KLF17: variants seen among roughly 807,000 people sequenced by gnomAD.
KLF17 encodes KLF transcription factor 17.
Under a neutral mutation model 34.2 loss-of-function variants are expected in KLF17, and 31 were observed. The observed-to-expected ratio is 0.91, with a 90% CI of 0.68 to 1.22. The LOEUF (loss-of-function observed/expected upper bound fraction) is 1.22, where lower values mean the gene tolerates loss of function less well. Ranked by LOEUF, KLF17 falls within the 50% of genes most tolerant of loss-of-function variation. The pLI is 0.00. For synonymous variants in KLF17, 179 were observed against 186.7 expected, an observed-to-expected ratio of 0.96 and a Z score of 0.34; for missense variants, 478 against 505.2, an observed-to-expected ratio of 0.95 and a Z score of 0.52.
At chr1:44,127,651 T>TTTCA (rs1557731810) in intron 1 of KLF17, among the ~76,000 whole-genome samples, 33 of 56,490 alleles carry the variant, frequency 5.8e-4, no homozygotes, top group African/African-American at 2.4e-3. Context: ...TCTTTCTTTC[T>TTTCA]TTCTTTCTTT....
chr1:44,074,435 G>A, the KLF17 span, among the ~76,000 whole-genome samples: 1,187 of 151,922 alleles, frequency 7.8e-3, 14 homozygotes, highest in Middle Eastern at 0.051. Flanking sequence ...CTCCCCTTCC[G>A]TTCCTTTGTC....
Position 44,130,648 on chromosome 1 carries a change from G to A in KLF17, c.1062G>A (p.Arg354=). The A allele has an allele frequency of 1.2e-6, 2 of 1,614,104 alleles. No homozygotes were observed. Among genetic ancestry groups the A allele is most frequent in the Non-Finnish European group, 1.7e-6 (2 of 1,180,028 alleles). The change falls in exon 3 of 4, where the codon AGG becomes AGA. Residue 354 remains arginine (R), a synonymous_variant. Coordinates refer to ENST00000372299, the MANE Select transcript of KLF17 (RefSeq NM_173484.4). ...ATCAGTGCAGCCGGGAGTTCATGAGGTCTGACCATCTCAAGCAACACCAGA... is the reference window on the plus strand; with the variant it reads ...ATCAGTGCAGCCGGGAGTTCATGAGATCTGACCATCTCAAGCAACACCAGA... ...KCDQCSREFM[R]SDHLKQHQKT... is the part of the protein sequence containing the mutation.
At chr1:44,100,727 C>T in the KLF17 span, among the ~76,000 whole-genome samples, 5 of 152,102 alleles carry the variant, frequency 3.3e-5, no homozygotes, top group African/African-American at 1.2e-4. Flanking sequence ...GCAATCTCCA[C>T]TCACTGCAAC....
chr1:44,047,377 G>A, the KLF17 span, among the ~76,000 whole-genome samples: 2 of 152,162 alleles, frequency 1.3e-5, no homozygotes, highest in African/African-American at 4.8e-5. Flanking sequence ...ACTGGTCCTG[G>A]GGTAAAGGGT....
At chr1:44,072,828 G>T in the KLF17 span, among the ~76,000 whole-genome samples, 1 of 152,160 alleles carries the variant, frequency 6.6e-6, no homozygotes, top group Non-Finnish European at 1.5e-5. Flanking sequence ...GTAAGAGGCT[G>T]GAGAGAAGAG....
the KLF17 span, among the ~76,000 whole-genome samples, chr1:44,085,531 G>A: frequency 1.3e-5 from 2 of 152,092 alleles, no homozygotes; most frequent in African/African-American, 4.8e-5. Flanking sequence ...GGTGGCTCAC[G>A]CCTATAATCC....
At chr1:44,100,500 T>C in the KLF17 span, among the ~76,000 whole-genome samples, 180 of 152,254 alleles carry the variant, frequency 1.2e-3, 2 homozygotes, top group East Asian at 0.019. Context: ...TATGATGTAA[T>C]ATAAAGAAAC....
upstream of KLF17, chr1:44,114,530 A>G (rs541157118): frequency 5.3e-5 from 8 of 152,340 alleles, no homozygotes; most frequent in South Asian, 1.5e-3. Context: ...AAATATTGGT[A>G]AAACAAATGG....
the KLF17 span, among the ~76,000 whole-genome samples, chr1:44,066,677 A>G: frequency 2.9e-3 from 440 of 152,338 alleles, 1 homozygote; most frequent in African/African-American, 0.01. Context: ...ATATATACCC[A>G]GGAGAAATTC....
chr1:44,103,301 G>C, the KLF17 span: 1 of 722,334 alleles, frequency 1.4e-6, no homozygotes, highest in South Asian at 1.5e-5. Flanking sequence ...GGCTGCCCTG[G>C]CTGTTCACTT....
intron 1 of KLF17, chr1:44,122,327 T>C: frequency 6.2e-7 from 1 of 1,603,114 alleles, no homozygotes; most frequent in Non-Finnish European, 8.5e-7. Flanking sequence ...GAATGTTATT[T>C]CCTCGAATAC....
At chr1:44,074,420 C>T in the KLF17 span, among the ~76,000 whole-genome samples, 5 of 152,128 alleles carry the variant, frequency 3.3e-5, no homozygotes, top group African/African-American at 1.2e-4. Context: ...GTCTGTTCCA[C>T]CTCTCTCCCC....
the KLF17 span, among the ~76,000 whole-genome samples, chr1:44,074,011 C>A: frequency 3.3e-5 from 5 of 152,048 alleles, no homozygotes; most frequent in Non-Finnish European, 5.9e-5. Flanking sequence ...CAGTAGCTGC[C>A]CCCCCAACAA....
At chr1:44,113,493 C>A in the KLF17 span, among the ~76,000 whole-genome samples, 1 of 152,132 alleles carries the variant, frequency 6.6e-6, no homozygotes, top group Non-Finnish European at 1.5e-5. Flanking sequence ...TAACCCGGGG[C>A]AGTGCAAGTG....
chr1:44,106,831 TC>T, the KLF17 span: 3 of 152,148 alleles, frequency 2.0e-5, no homozygotes, highest in East Asian at 5.8e-4. Flanking sequence ...TTTAACCTCT[TC>T]CCCACCTTCC....
chr1:44,110,469 T>A, the KLF17 span: 1 of 152,038 alleles, frequency 6.6e-6, no homozygotes, highest in African/African-American at 2.4e-5. Flanking sequence ...GGCGGGCAGA[T>A]CAACTGACGT....
chr1:44,125,657 G>A (rs538399538), intron 1 of KLF17, among the ~76,000 whole-genome samples: 56 of 152,148 alleles, frequency 3.7e-4, no homozygotes, highest in Admixed American at 2.2e-3. Context: ...TAGTTGAGAC[G>A]GGGTTTCACT....
chr1:44,057,930 A>C, the KLF17 span, among the ~76,000 whole-genome samples: 2 of 152,228 alleles, frequency 1.3e-5, no homozygotes, highest in Admixed American at 6.5e-5. Flanking sequence ...GATTTTACTC[A>C]GATGCCACCA....
the KLF17 span, among the ~76,000 whole-genome samples, chr1:44,056,579 G>T: frequency 6.6e-6 from 1 of 152,192 alleles, no homozygotes; most frequent in Non-Finnish European, 1.5e-5. Flanking sequence ...GCTGGGAACA[G>T]CTCCTGCTTT....
Sources: allele counts gnomAD v4.1 joint callset (sites outside exome capture counted in the v4.1 genomes callset), GRCh38; gene constraint gnomAD v4.1.1; transcripts MANE v1.5; gene names NCBI Gene and HGNC (gene_info 2026-07-23, HGNC 2026-07-21).